Variants in CA14 observed in about 807,000 individuals in gnomAD.
CA14 encodes the protein CA-XIV.
A neutral mutation model predicts 48.8 loss-of-function variants in CA14; 44 were observed. That is an observed-to-expected ratio of 0.90 (90% CI 0.71 to 1.16). The LOEUF (loss-of-function observed/expected upper bound fraction) is 1.16. CA14 is among the 50% of genes most tolerant of loss of function. The pLI is 0.00. For synonymous variants in CA14, 154 were observed against 155.0 expected, an observed-to-expected ratio of 0.99 and a Z score of 0.05; for missense variants, 386 against 401.0, an observed-to-expected ratio of 0.96 and a Z score of 0.32.
chr1:150,263,408 C>T lies in CA14; in HGVS notation c.830C>T (p.Ser277Phe). ...QPLNQRMVFA[S>F]FIQAGSSYTT... Reference sequence around the variant, plus strand: ...CTCAATCAGCGCATGGTCTTTGCTTCTTTCATCCAAGGTGATTCTGCACGG... The same window carrying T: ...CTCAATCAGCGCATGGTCTTTGCTTTTTTCATCCAAGGTGATTCTGCACGG... Residue 277 changes from serine (S) to phenylalanine (F), a missense_variant, in exon 8 of 11, where the codon TCT becomes TTT. Transcript: ENST00000369111. The T allele has an allele frequency of 1.9e-6, 3 of 1,614,118 alleles. No homozygotes were observed. The highest frequency in any genetic ancestry group is 2.5e-6 in the Non-Finnish European group (3 of 1,180,034).
intron 3 of CA14, 130 bp downstream of exon 3, chr1:150,261,768 T>C: frequency 1.2e-6 from 1 of 818,642 alleles, no homozygotes; most frequent in Non-Finnish European, 1.9e-6. Context: ...TCAAATCTTG[T>C]CAAGATGTTG....
At chr1:150,261,328 T>G in intron 2 of CA14, 131 bp from the exon 3 acceptor site, 3 of 752,280 alleles carry the variant, frequency 4.0e-6, no homozygotes, top group Non-Finnish European at 2.2e-6. Context: ...TTAACCTGGG[T>G]GGAGGGAAGT....
Position 150,264,684 on chromosome 1 carries a change from T to C in CA14, c.*25T>C. On this transcript the variant is annotated 3_prime_UTR_variant, in exon 11 of 11. Transcript: ENST00000369111. ...AATTCCTTCTCAGATACCATGGATG[T>C]GGATGACTTCCCTTCATGCCTATCA... 1 of 1,599,768 alleles carries C rather than the reference T, an allele frequency of 6.3e-7. No homozygotes were observed. Among genetic ancestry groups the C allele is most frequent in the Non-Finnish European group, 8.6e-7 (1 of 1,168,728 alleles).
intron 1 of CA14, among the ~76,000 whole-genome samples, chr1:150,258,912 T>A (rs1204011291): frequency 6.6e-6 from 1 of 151,592 alleles, no homozygotes; most frequent in East Asian, 1.9e-4. Context: ...AAGAGCAGGG[T>A]GAGGTGGGTG....
Position 150,263,372 on chromosome 1 carries a change from C to A in CA14, c.794C>A (p.Ala265Asp). ...AAGCTTCTGGTACAGAACTACCGAG[C>A]CCTTCAGCCTCTCAATCAGCGCATG... ...PSKLLVQNYR[A>D]LQPLNQRMVF... The change falls in exon 8 of 11, where the codon GCC becomes GAC. Residue 265 changes from alanine (A) to aspartate (D), a missense_variant. Transcript: ENST00000369111. 2 of 1,614,220 alleles carry A rather than the reference C, an allele frequency of 1.2e-6. No homozygotes were observed. The highest frequency in any genetic ancestry group is 1.7e-6 in the Non-Finnish European group (2 of 1,180,032).
intron 5 of CA14, 32 bp downstream of exon 5, chr1:150,262,652 C>T (rs1352147212): frequency 1.3e-6 from 2 of 1,538,130 alleles, no homozygotes; most frequent in Non-Finnish European, 1.8e-6. Flanking sequence ...CCAGGTTTCT[C>T]TCCACTTCCT....
chr1:150,264,051 G>A (rs761545653), intron 10 of CA14, among the ~76,000 whole-genome samples, 173 bp downstream of exon 10: 4 of 150,622 alleles, frequency 2.7e-5, no homozygotes, highest in African/African-American at 7.3e-5. Flanking sequence ...TCAGCCTCCC[G>A]AGTAGCTGGG....
intron 8 of CA14, 35 bp downstream of exon 8, chr1:150,263,454 G>C (rs781804430): frequency 8.1e-6 from 13 of 1,611,916 alleles, no homozygotes; most frequent in Non-Finnish European, 1.0e-5. Flanking sequence ...ATGGGAAACT[G>C]AGGGGGACAC....
At position 150,264,765 on chromosome 1, in the gene CA14, G is replaced by C; in HGVS notation, c.*106G>C. On this transcript the variant is annotated 3_prime_UTR_variant, in exon 11 of 11. Coordinates refer to ENST00000369111, the MANE Select transcript of CA14 (RefSeq NM_012113.3). ...GCCAGAAACACTGTAGGAGTAGTAA[G>C]CAGATGTCCTCCTTCCCCTGGACAT... 1.3e-6 allele frequency: 1 copy of C among 756,122 alleles called. No homozygotes were observed. Among genetic ancestry groups the C allele is most frequent in the Non-Finnish European group, 2.2e-6 (1 of 464,034 alleles). The allele number at this position is 756,122 out of a possible 1,614,324, so 46.8% of individuals were successfully genotyped here. A position where few individuals can be genotyped will look rare whatever the true frequency, so the allele number is the denominator to read the frequency against.
At position 150,258,266 on chromosome 1, in the gene CA14, G is replaced by A. The variant is rs1344260171; in HGVS notation, c.55+83G>A. The A allele has an allele frequency of 4.3e-6, 5 of 1,149,450 alleles. No individual in the cohort carries two copies. In the East Asian group the frequency reaches 7.6e-5, roughly 18 times the overall value. 71.2% of individuals were successfully genotyped at this position (1,149,450 alleles called of 1,614,324 possible). Reference sequence around the variant, plus strand: ...TGTGCTTAATGGGGGGAGGAGAGGTGTGAAAGGAAGCCTAGAGGCTGGAAT... The same window carrying A: ...TGTGCTTAATGGGGGGAGGAGAGGTATGAAAGGAAGCCTAGAGGCTGGAAT... On this transcript the variant is annotated intron_variant, in intron 1 of 10. Coordinates refer to ENST00000369111, the MANE Select transcript of CA14 (RefSeq NM_012113.3).
At chr1:150,263,914 T>A in intron 10 of CA14, 36 bp downstream of exon 10, 2 of 1,164,628 alleles carry the variant, frequency 1.7e-6, no homozygotes, top group Middle Eastern at 2.2e-4. Context: ...AGTCCCTTCT[T>A]CTTTTTTTTT....
chr1:150,264,407 T>C (rs1406900109), intron 10 of CA14, among the ~76,000 whole-genome samples, 186 bp from the exon 11 acceptor site: 1 of 151,922 alleles, frequency 6.6e-6, no homozygotes, highest in Non-Finnish European at 1.5e-5. Context: ...TTCACTACAT[T>C]GCCCAGGCTG....
At chr1:150,263,908 C>T in intron 10 of CA14, 30 bp downstream of exon 10, 1 of 1,377,970 alleles carries the variant, frequency 7.3e-7, no homozygotes, top group Non-Finnish European at 9.9e-7. Context: ...TCCTCCAGTC[C>T]CTTCTTCTTT....
intron 9 of CA14, 53 bp downstream of exon 9, chr1:150,263,732 G>A (rs1553848616): frequency 1.2e-6 from 2 of 1,612,714 alleles, no homozygotes; most frequent in East Asian, 2.2e-5. Flanking sequence ...TCACCGAGTG[G>A]GGGAAAGGCT....
Position 150,262,581 on chromosome 1 carries a change from G to A in CA14, c.456G>A (p.Glu152=), listed in dbSNP as rs781996469. 1.7e-5 allele frequency: 28 copies of A among 1,613,972 alleles called. No homozygotes were observed. Among genetic ancestry groups the A allele is most frequent in the Admixed American group, 5.0e-5 (3 of 60,002 alleles). The change falls in exon 5 of 11, where the codon GAG becomes GAA. Residue 152 remains glutamate, a synonymous_variant. Transcript: ENST00000369111. ...ATGACAGCTTGAGTGAGGCTGCTGAGAGGCCTCAGGGCCTGGCTGTCCTGG... is the reference window on the plus strand; with the variant it reads ...ATGACAGCTTGAGTGAGGCTGCTGAAAGGCCTCAGGGCCTGGCTGTCCTGG... ...DSYDSLSEAA[E]RPQGLAVLGI...
intron 2 of CA14, 139 bp downstream of exon 2, chr1:150,260,310 T>C: frequency 1.2e-6 from 1 of 816,872 alleles, no homozygotes; most frequent in Non-Finnish European, 2.1e-6. Flanking sequence ...TCCTCCTGCC[T>C]TGAGTTTCAC....
At chr1:150,262,448 G>T in intron 4 of CA14, 77 bp from the exon 5 acceptor site, 1 of 1,477,394 alleles carries the variant, frequency 6.8e-7, no homozygotes, top group Non-Finnish European at 9.5e-7. Context: ...GACAGCGGGG[G>T]GATGGTGGCA....
chr1:150,262,913 CAAAAACTATCCTT>C, intron 6 of CA14, 43 bp downstream of exon 6: 1 of 1,585,862 alleles, frequency 6.3e-7, no homozygotes. Context: ...ATTAGACTTT[CAAAAACTATCCTT>C]AAAAGCCTTG....
At chr1:150,263,916 T>TC (rs1553848742) in intron 10 of CA14, 38 bp downstream of exon 10, 1 of 515,172 alleles carries the variant, frequency 1.9e-6, no homozygotes, top group Non-Finnish European at 2.6e-6. Context: ...TCCCTTCTTC[T>TC]TTTTTTTTTT....
Sources: gnomAD v4.1 joint callset for allele counts (sites outside exome capture counted in the v4.1 genomes callset) on GRCh38, gnomAD v4.1.1 for gene constraint, MANE v1.5 for transcripts, NCBI Gene and HGNC (gene_info 2026-07-23, HGNC 2026-07-21) for gene names.